The following MAN1C1 variants were observed in gnomAD, a reference collection of about 807,000 sequenced individuals.
MAN1C1 encodes the protein mannosidase alpha class 1C member 1.
MAN1C1 carries 49 observed loss-of-function variants against 71.5 expected under a neutral mutation model. The observed-to-expected ratio is 0.69, with a 90% confidence interval of 0.54 to 0.87. The LOEUF is 0.87. Among genes scored for constraint, MAN1C1 ranks in the 40% least tolerant of loss-of-function variants. MAN1C1 has a pLI of 0.00. For missense variants in MAN1C1, 743 were observed against 835.0 expected (o/e 0.89, Z 1.36); for synonymous variants, 352 against 343.7 (o/e 1.02, Z -0.27).
intron 2 of MAN1C1, among the ~76,000 whole-genome samples, chr1:25,700,413 G>A (rs938162471): frequency 1.3e-5 from 2 of 152,222 alleles, no homozygotes; most frequent in African/African-American, 2.4e-5. Context: ...AGTGCTTGGG[G>A]ACATGGAGAA....
chr1:25,644,512 A>ATT (rs1412655325), intron 1 of MAN1C1: 18 of 91,008 alleles, frequency 2.0e-4, no homozygotes, highest in African/African-American at 1.1e-3. Flanking sequence ...ATATATATAT[A>ATT]TATATATTTT....
chr1:25,644,516 ATATTTTTT>A (rs1242363032), intron 1 of MAN1C1: 2 of 72,340 alleles, frequency 2.8e-5, no homozygotes, highest in African/African-American at 1.9e-4. Context: ...ATATATATAT[ATATTTTTT>A]TTTTTTTTTT....
chr1:25,747,676 C>G (rs532817052), intron 3 of MAN1C1, among the ~76,000 whole-genome samples: 57 of 152,108 alleles, frequency 3.7e-4, no homozygotes, highest in Non-Finnish European at 7.4e-4. Context: ...TCTGGGAGAG[C>G]CTGGGAACGC....
intron 1 of MAN1C1, among the ~76,000 whole-genome samples, chr1:25,677,729 A>G (rs1357032759): frequency 6.6e-6 from 1 of 151,078 alleles, no homozygotes; most frequent in African/African-American, 2.4e-5. Context: ...TTGAGAATAG[A>G]TGATGTTTCT....
At position 25,775,792 on chromosome 1, in the gene MAN1C1, AC is replaced by A. The variant is rs1376214501; in HGVS notation, c.1258-2311del. On this transcript the variant is annotated intron_variant, in intron 8 of 11. Coordinates refer to ENST00000374332, the MANE Select transcript of MAN1C1 (RefSeq NM_020379.4). The surrounding 1 kb of genome is among the most constrained non-coding windows in gnomAD (Gnocchi z 5.1). Reference sequence around the variant, plus strand: ...GAAAAATGCAGCTTTCAAGAATGTCACCTTTGCAGAGAGATTTTCCCTGACC... The same window carrying A: ...GAAAAATGCAGCTTTCAAGAATGTCACTTTGCAGAGAGATTTTCCCTGACC... 1.6e-4 allele frequency: 25 copies of A among 152,318 alleles called. No homozygotes were observed. The highest frequency in any genetic ancestry group is 5.8e-4 in the African/African-American group (24 of 41,566). 9.4% of individuals were successfully genotyped at this position (152,318 alleles called of 1,614,324 possible).
chr1:25,634,269 A>G lies in MAN1C1; in HGVS notation c.540+15932A>G, dbSNP rs2045425686. On this transcript the variant is annotated intron_variant, in intron 1 of 11. Coordinates refer to ENST00000374332, the MANE Select transcript of MAN1C1 (RefSeq NM_020379.4). The surrounding 1 kb of genome is among the most constrained non-coding windows in gnomAD (Gnocchi z 4.6). ...TGGGACTTCCAGTTCAATGTTAAAA[A>G]GAAGTAGTGAGAACTGACATCTTTG... is the stretch of plus-strand genomic sequence containing the variant. 6.6e-6 allele frequency among the ~76,000 whole-genome samples: 1 copy of G among 152,170 alleles called. No homozygotes were observed. The highest frequency in any genetic ancestry group is 1.5e-5 in the Non-Finnish European group (1 of 68,016).
In MAN1C1 at chr1:25,617,841, G is replaced by A; in HGVS notation, c.44G>A (p.Trp15Ter). The A allele has an allele frequency of 6.2e-7, 1 of 1,605,792 alleles. No homozygotes were observed. Among genetic ancestry groups the A allele is most frequent in the Non-Finnish European group, 8.5e-7 (1 of 1,177,112 alleles). Reference protein sequence around the residue: ...KVPGFVPASPWGLRLPQKFLF... With the variant: ...KVPGFVPASP ...CCCGGCTTCGTCCCGGCCTCCCCGT[G>A]GGGGCTGCGGCTGCCGCAGAAGTTC... Residue 15 changes from tryptophan (W) to a stop codon, truncating the protein, a stop_gained, in exon 1 of 12, where the codon TGG becomes TAG. Transcript: ENST00000374332. LOFTEE classifies it high-confidence loss of function. This position sits in a 1 kb window ranked among gnomAD's most constrained non-coding sequence, Gnocchi z 5.1.
rs1156468987 is a variant in MAN1C1, at chr1:25,735,982, G to A, written c.638-10686G>A. Among the ~76,000 whole-genome samples the A allele has an allele frequency of 6.6e-6, 1 of 152,192 alleles. No individual in the cohort carries two copies. Among genetic ancestry groups the A allele is most frequent in the East Asian group, 1.9e-4 (1 of 5,198 alleles). ...GGGATATTTACTCCTCCCAAGGAGGGAGAGGGAAGGAGTGAAGATTTGTTG... is the reference window on the plus strand; with the variant it reads ...GGGATATTTACTCCTCCCAAGGAGGAAGAGGGAAGGAGTGAAGATTTGTTG... On this transcript the variant is annotated intron_variant, in intron 2 of 11. Coordinates refer to ENST00000374332, the MANE Select transcript of MAN1C1 (RefSeq NM_020379.4). This position sits in a 1 kb window ranked among gnomAD's most constrained non-coding sequence, Gnocchi z 4.6.
intron 2 of MAN1C1, among the ~76,000 whole-genome samples, chr1:25,712,418 C>T (rs2046625870): frequency 6.6e-6 from 1 of 152,194 alleles, no homozygotes; most frequent in Admixed American, 6.5e-5. Flanking sequence ...CTTTCCACAG[C>T]AGCCCCAGCC....
At position 25,763,858 on chromosome 1, in the gene MAN1C1, G is replaced by A; in HGVS notation, c.1048-16G>A. ...TCGGAAGCATGAAGGCTCACCTGGT[G>A]TCCGTCTCTCGGCAGGTCAGGAACA... On this transcript the variant is annotated splice_polypyrimidine_tract_variant and intron_variant, in intron 6 of 11. Transcript: ENST00000374332. 1.2e-5 allele frequency: 19 copies of A among 1,611,400 alleles called. No homozygotes were observed. Among genetic ancestry groups the A allele is most frequent in the Non-Finnish European group, 1.5e-5 (18 of 1,177,822 alleles).
intron 7 of MAN1C1, among the ~76,000 whole-genome samples, chr1:25,767,271 A>G (rs796658399): frequency 2.8e-4 from 38 of 133,530 alleles, no homozygotes; most frequent in African/African-American, 1.0e-3. Context: ...ACACACACAC[A>G]TTACACACTA....
intron 3 of MAN1C1, among the ~76,000 whole-genome samples, chr1:25,748,489 G>A (rs1179428014): frequency 1.3e-5 from 2 of 152,200 alleles, no homozygotes; most frequent in African/African-American, 4.8e-5. Flanking sequence ...GCTCCCCTGT[G>A]TCCTGTGTTC....
chr1:25,690,072 A>C (rs546270170), intron 2 of MAN1C1, among the ~76,000 whole-genome samples: 24 of 152,118 alleles, frequency 1.6e-4, no homozygotes, highest in Non-Finnish European at 3.4e-4. Flanking sequence ...CCTTCCTTGA[A>C]TCTATTCTTA....
chr1:25,780,829 C>G (rs1405460714), intron 9 of MAN1C1, 111 bp from the exon 10 acceptor site: 2 of 1,149,618 alleles, frequency 1.7e-6, no homozygotes, highest in East Asian at 4.7e-5. Context: ...CACCCACACA[C>G]ACCTGACATC....
intron 1 of MAN1C1, among the ~76,000 whole-genome samples, chr1:25,661,140 C>T (rs2045841288): frequency 6.6e-6 from 1 of 152,106 alleles, no homozygotes; most frequent in Non-Finnish European, 1.5e-5. Flanking sequence ...TCAACCATCG[C>T]CCATGTTGGA....
At chr1:25,749,475 C>T in intron 4 of MAN1C1, 140 bp downstream of exon 4, 1 of 604,088 alleles carries the variant, frequency 1.7e-6, no homozygotes, top group Non-Finnish European at 2.8e-6. Flanking sequence ...CAAGTCCACC[C>T]CTGAGGGCCT....
intron 1 of MAN1C1, among the ~76,000 whole-genome samples, chr1:25,648,650 C>CT (rs1299881228): frequency 6.6e-6 from 1 of 152,222 alleles, no homozygotes; most frequent in African/African-American, 2.4e-5. Flanking sequence ...TGGCAGAAAT[C>CT]TTTGAGTGGA....
chr1:25,782,643 G>T lies in MAN1C1; in HGVS notation c.1709G>T (p.Ser570Ile), dbSNP rs1427028368. ...TTCTCTGGGATCCAAGACGTGTACA[G>T]TAGCACCCCCAACCACGACAACAAG... is the stretch of plus-strand genomic sequence containing the variant. ...AGFSGIQDVY[S>I]STPNHDNKQQ... The change falls in exon 11 of 12, where the codon AGT becomes ATT. Residue 570 changes from serine (S) to isoleucine (I), a missense_variant. Coordinates refer to ENST00000374332, the MANE Select transcript of MAN1C1 (RefSeq NM_020379.4). The surrounding 1 kb of genome is among the most constrained non-coding windows in gnomAD (Gnocchi z 4.4). 6.2e-7 allele frequency: 1 copy of T among 1,614,010 alleles called. No homozygotes were observed. Among genetic ancestry groups the T allele is most frequent in the Non-Finnish European group, 8.5e-7 (1 of 1,180,030 alleles).
intron 2 of MAN1C1, among the ~76,000 whole-genome samples, chr1:25,706,473 G>A (rs1223361976): frequency 6.6e-6 from 1 of 152,194 alleles, no homozygotes; most frequent in African/African-American, 2.4e-5. Flanking sequence ...TGTGCTGGGA[G>A]AGTCTGTGCT....
Sources: allele counts gnomAD v4.1 joint callset (sites outside exome capture counted in the v4.1 genomes callset), GRCh38; gene constraint gnomAD v4.1.1; non-coding constraint Gnocchi (gnomAD v3.1); transcripts MANE v1.5; gene names NCBI Gene and HGNC (gene_info 2026-07-23, HGNC 2026-07-21).